Variants in RALA observed in about 807,000 individuals in gnomAD.
RALA encodes ras-related protein Ral-A.
In RALA, 5 loss-of-function variants were observed where a neutral mutation model predicts 24.0. The observed-to-expected ratio is 0.21, with a 90% confidence interval of 0.11 to 0.44. RALA has a LOEUF of 0.44. Ranked by LOEUF, RALA falls within the 20% of genes least tolerant of loss-of-function variation. The probability of loss-of-function intolerance (pLI) is 0.99; values close to 1 mark genes in which losing one functional copy is unlikely to be tolerated. For synonymous variants in RALA, 77 were observed against 83.8 expected, an observed-to-expected ratio of 0.92 and a Z score of 0.44; for missense variants, 95 against 241.2, an observed-to-expected ratio of 0.39 and a Z score of 4.01.
At position 39,682,826 on chromosome 7, in the gene RALA, A is replaced by G. The variant is rs138224441; in HGVS notation, c.-37-3805A>G. Among the ~76,000 whole-genome samples the G allele has an allele frequency of 2.9e-3, 445 of 152,132 alleles. 8 individuals carry two copies. Among genetic ancestry groups the G allele is most frequent in the East Asian group, 0.022 (116 of 5,180 alleles). ...CCCCACTAATTTTTTTTGTATTTTTAGTAGATGTGGGGTTTCACCATGTTG... is the reference window on the plus strand; with the variant it reads ...CCCCACTAATTTTTTTTGTATTTTTGGTAGATGTGGGGTTTCACCATGTTG... On this transcript the variant is annotated intron_variant, in intron 1 of 4. Transcript: ENST00000005257.
In RALA at chr7:39,707,601, AT is replaced by A. The variant is rs146731588; in HGVS notation, c.*1368del. Reference sequence around the variant, plus strand: ...TCAGTGGGAAATATGCCACTGACCGATTTTTTTTTTTTCCTCTTTGCAGTGG... The same window carrying A: ...TCAGTGGGAAATATGCCACTGACCGATTTTTTTTTTTCCTCTTTGCAGTGG... On this transcript the variant is annotated 3_prime_UTR_variant, in exon 5 of 5. Coordinates refer to ENST00000005257, the MANE Select transcript of RALA (RefSeq NM_005402.4). The A allele has an allele frequency of 1.8e-3, 266 of 148,062 alleles. 3 individuals are homozygous for A. The East Asian group carries it at 0.029, about 16-fold the overall frequency. 9.2% of individuals were successfully genotyped at this position (148,062 alleles called of 1,614,324 possible). A position where few individuals can be genotyped will look rare whatever the true frequency, so the allele number is the denominator to read the frequency against.
intron 1 of RALA, among the ~76,000 whole-genome samples, chr7:39,675,059 C>A (rs1357586312): frequency 1.3e-5 from 2 of 152,156 alleles, no homozygotes; most frequent in African/African-American, 2.4e-5. Context: ...CTCCTTACCT[C>A]AGGTGCTCTG....
chr7:39,631,273 A>T (rs1791594126), intron 1 of RALA, among the ~76,000 whole-genome samples: 1 of 152,070 alleles, frequency 6.6e-6, no homozygotes, highest in Non-Finnish European at 1.5e-5. Flanking sequence ...CTTCCAAAGC[A>T]CTGGGATTAC....
chr7:39,684,721 A>G (rs1792667701), intron 1 of RALA, among the ~76,000 whole-genome samples: 1 of 151,752 alleles, frequency 6.6e-6, no homozygotes, highest in Non-Finnish European at 1.5e-5. Context: ...CTAAAAAAAA[A>G]AAAAAAAGAA....
In RALA at chr7:39,644,756, TCAAC is replaced by T. The variant is rs531944524; in HGVS notation, c.-38+20935_-38+20938del. 3.0e-3 allele frequency among the ~76,000 whole-genome samples: 456 copies of T among 152,294 alleles called. 4 individuals are homozygous for T. The highest frequency in any genetic ancestry group is 4.5e-3 in the Non-Finnish European group (305 of 68,008). On this transcript the variant is annotated intron_variant, in intron 1 of 4. Transcript: ENST00000005257. Reference sequence around the variant, plus strand: ...GATGCAAATATTGACAATTTGTTCTTCAACCAAAAAAGATTAGGTAAATATATAG... The same window carrying T: ...GATGCAAATATTGACAATTTGTTCTTCAAAAAAGATTAGGTAAATATATAG...
In RALA at chr7:39,696,728, C is replaced by T. The variant is rs1792929086; in HGVS notation, c.367C>T (p.Leu123=). ...AAAAGAAGATGAGAATGTTCCATTT[C>T]TACTGGTTGGTAACAAATCAGATTT... The part of the protein sequence containing the change: ...RVKEDENVPF[L]LVGNKSDLED... The change falls in exon 4 of 5, where the codon CTA becomes TTA. Residue 123 remains leucine, a synonymous_variant. Coordinates refer to ENST00000005257, the MANE Select transcript of RALA (RefSeq NM_005402.4). The T allele has an allele frequency of 6.2e-7, 1 of 1,611,188 alleles. No homozygotes were observed. Among genetic ancestry groups the T allele is most frequent in the Non-Finnish European group, 8.5e-7 (1 of 1,178,026 alleles).
intron 1 of RALA, among the ~76,000 whole-genome samples, chr7:39,669,825 AAG>A (rs1554297063): frequency 1.3e-5 from 2 of 151,578 alleles, no homozygotes; most frequent in African/African-American, 2.4e-5. Flanking sequence ...AAAAAAAAAA[AAG>A]CCTGCTAGTA....
chr7:39,632,544 G>A (rs1288728803), intron 1 of RALA, among the ~76,000 whole-genome samples: 3 of 152,194 alleles, frequency 2.0e-5, no homozygotes, highest in African/African-American at 7.2e-5. Flanking sequence ...TTGGCTGGGC[G>A]TGGTGGCTAA....
At chr7:39,660,084 G>A (rs1327908822) in intron 1 of RALA, among the ~76,000 whole-genome samples, 2 of 151,826 alleles carry the variant, frequency 1.3e-5, no homozygotes, top group Non-Finnish European at 2.9e-5. Context: ...AGTGGCTCAC[G>A]ACTGTAATCC....
At chr7:39,627,326 C>G (rs1791509938) in intron 1 of RALA, among the ~76,000 whole-genome samples, 1 of 152,046 alleles carries the variant, frequency 6.6e-6, no homozygotes, top group South Asian at 2.1e-4. Context: ...GACTTAGTTT[C>G]TGAAAGTCAA....
chr7:39,649,889 G>C (rs1439545230), intron 1 of RALA, among the ~76,000 whole-genome samples: 1 of 152,154 alleles, frequency 6.6e-6, no homozygotes, highest in Non-Finnish European at 1.5e-5. Flanking sequence ...GTGATGATCT[G>C]GGTCAGCTGC....
intron 1 of RALA, among the ~76,000 whole-genome samples, chr7:39,655,950 GTC>G (rs1792089815): frequency 6.6e-6 from 1 of 152,162 alleles, no homozygotes; most frequent in Admixed American, 6.5e-5. Flanking sequence ...GCAATGTGGA[GTC>G]TCTGAAGAAT....
chr7:39,703,354 C>G (rs1025372719), intron 4 of RALA: 1 of 152,152 alleles, frequency 6.6e-6, no homozygotes, highest in Admixed American at 6.5e-5. Context: ...AAACCCATGG[C>G]TTTTATGTCA....
chr7:39,664,457 A>G (rs1024601770), intron 1 of RALA, among the ~76,000 whole-genome samples: 3 of 152,134 alleles, frequency 2.0e-5, no homozygotes, highest in East Asian at 3.8e-4. Context: ...CCCAAACCCT[A>G]TGAGGTCGAA....
intron 1 of RALA, among the ~76,000 whole-genome samples, chr7:39,663,785 A>G (rs1024810935): frequency 6.6e-6 from 1 of 152,302 alleles, no homozygotes; most frequent in African/African-American, 2.4e-5. Context: ...TACCTTTCCA[A>G]TCTGTCCCTG....
intron 1 of RALA, among the ~76,000 whole-genome samples, chr7:39,634,460 T>C (rs1444422927): frequency 6.6e-6 from 1 of 152,162 alleles, no homozygotes. Context: ...CTGTTCTTTT[T>C]TGTTGTTGTC....
intron 2 of RALA, among the ~76,000 whole-genome samples, chr7:39,688,643 A>G (rs1562623236): frequency 6.7e-6 from 1 of 148,350 alleles, no homozygotes; most frequent in Non-Finnish European, 1.5e-5. Context: ...ATGCAGTCTC[A>G]GCTCACTGCA....
intron 4 of RALA, among the ~76,000 whole-genome samples, chr7:39,701,540 T>C (rs1793026978): frequency 6.6e-6 from 1 of 152,168 alleles, no homozygotes; most frequent in Non-Finnish European, 1.5e-5. Context: ...ATGGTTGGAA[T>C]AGCTAGTGTA....
intron 1 of RALA, among the ~76,000 whole-genome samples, chr7:39,642,626 C>A (rs779932820): frequency 1.3e-5 from 2 of 152,138 alleles, no homozygotes; most frequent in African/African-American, 2.4e-5. Flanking sequence ...CATTCGTAAA[C>A]CCCTGTAGTG....
Sources: gnomAD v4.1 joint callset for allele counts (sites outside exome capture counted in the v4.1 genomes callset) on GRCh38, gnomAD v4.1.1 for gene constraint, MANE v1.5 for transcripts, NCBI Gene and HGNC (gene_info 2026-07-23, HGNC 2026-07-21) for gene names.